Variants in LRMDA observed in about 807,000 individuals in gnomAD.
LRMDA encodes the protein leucine rich melanocyte differentiation associated.
LRMDA carries 18 observed loss-of-function variants against 29.8 expected under a neutral mutation model. The ratio of observed to expected loss-of-function variants is 0.60; its 90% CI spans 0.42 to 0.90. The LOEUF (loss-of-function observed/expected upper bound fraction) is 0.90, where lower values mean the gene tolerates loss of function less well. Ranked by LOEUF, LRMDA falls within the 40% of genes least tolerant of loss-of-function variation. The probability of loss-of-function intolerance (pLI) is 0.00; values close to 1 mark genes in which losing one functional copy is unlikely to be tolerated. For synonymous variants in LRMDA, 125 were observed against 109.4 expected (o/e 1.14, Z -0.89); for missense variants, 273 against 273.9 (o/e 1.00, Z 0.02).
intron 6 of LRMDA, among the ~76,000 whole-genome samples, chr10:76,461,955 G>A (rs572471251): frequency 4.3e-4 from 65 of 151,080 alleles, no homozygotes; most frequent in Admixed American, 1.6e-3. Context: ...TGCACCTGTA[G>A]TCCCAGCTAC....
At chr10:75,783,287 G>A (rs1843416221) in intron 2 of LRMDA, among the ~76,000 whole-genome samples, 1 of 152,062 alleles carries the variant, frequency 6.6e-6, no homozygotes, top group Admixed American at 6.6e-5. Context: ...ATTAAAAGGA[G>A]GCTTTTAGGC....
intron 6 of LRMDA, among the ~76,000 whole-genome samples, chr10:76,443,061 C>T (rs1198067812): frequency 6.6e-6 from 1 of 152,120 alleles, no homozygotes; most frequent in African/African-American, 2.4e-5. Flanking sequence ...GATGAATTAG[C>T]TATGGAGTCA....
intron 2 of LRMDA, among the ~76,000 whole-genome samples, chr10:75,882,138 G>T (rs554414130): frequency 2.0e-5 from 3 of 152,222 alleles, no homozygotes; most frequent in Admixed American, 1.3e-4. Flanking sequence ...AGGAGGAACC[G>T]AAAAGAGGCC....
intron 2 of LRMDA, among the ~76,000 whole-genome samples, chr10:75,509,484 C>A (rs1011689932): frequency 6.6e-6 from 1 of 152,060 alleles, no homozygotes; most frequent in Non-Finnish European, 1.5e-5. Flanking sequence ...AAGACTGTGG[C>A]TCTCTGAGAG....
intron 5 of LRMDA, among the ~76,000 whole-genome samples, chr10:76,128,205 G>A (rs1849920051): frequency 6.6e-6 from 1 of 152,212 alleles, no homozygotes; most frequent in South Asian, 2.1e-4. Context: ...GGAAAAGCGG[G>A]TTCTAGATGG....
chr10:75,851,911 A>C (rs1844738467), intron 2 of LRMDA, among the ~76,000 whole-genome samples: 1 of 152,188 alleles, frequency 6.6e-6, no homozygotes, highest in Non-Finnish European at 1.5e-5. Context: ...CCTTTGTAGC[A>C]TTGCTTCAGG....
At chr10:76,251,226 C>CTTTTTTTTTTTTTTTTTT (rs558637864) in intron 5 of LRMDA, among the ~76,000 whole-genome samples, 1 of 70,264 alleles carries the variant, frequency 1.4e-5, no homozygotes, top group South Asian at 7.4e-4. Flanking sequence ...CCCGTCGCTT[C>CTTTTTTTTTTTTTTTTTT]TTTTTTTTTT....
intron 2 of LRMDA, among the ~76,000 whole-genome samples, chr10:75,439,454 A>G (rs1318343458): frequency 6.6e-6 from 1 of 152,198 alleles, no homozygotes; most frequent in African/African-American, 2.4e-5. Context: ...GAGTCAGGAT[A>G]CTTGGGAATT....
At chr10:75,467,894 G>A (rs1274270387) in intron 2 of LRMDA, among the ~76,000 whole-genome samples, 1 of 151,720 alleles carries the variant, frequency 6.6e-6, no homozygotes, top group Non-Finnish European at 1.5e-5. Context: ...TCGGGAGGTG[G>A]AGGTTGCAGT....
At position 75,980,840 on chromosome 10, in the gene LRMDA, T is replaced by C. The variant is rs370413630; in HGVS notation, c.132-55168T>C. 7.2e-5 allele frequency among the ~76,000 whole-genome samples: 11 copies of C among 152,316 alleles called. No individual in the cohort carries two copies. The South Asian group carries it at 1.2e-3, about 17-fold the overall frequency. On this transcript the variant is annotated intron_variant, in intron 2 of 6. Transcript: ENST00000611255. ...CCTTTTTATCCTCTCTCTCAGACCA[T>C]TGGGGGAAGGAAGAAATGTTGCTTA...
At chr10:76,525,514 G>T (rs1011847392) in intron 6 of LRMDA, among the ~76,000 whole-genome samples, 1 of 152,110 alleles carries the variant, frequency 6.6e-6, no homozygotes, top group Non-Finnish European at 1.5e-5. Flanking sequence ...TCCACAGTAG[G>T]GGGTAGGAGG....
intron 5 of LRMDA, among the ~76,000 whole-genome samples, chr10:76,257,200 G>C (rs1046062781): frequency 6.6e-6 from 1 of 151,710 alleles, no homozygotes; most frequent in Non-Finnish European, 1.5e-5. Context: ...CAAAACAAAA[G>C]CAAATTAAAA....
At chr10:75,612,784 C>T (rs977048999) in intron 2 of LRMDA, among the ~76,000 whole-genome samples, 12 of 144,536 alleles carry the variant, frequency 8.3e-5, no homozygotes, top group African/African-American at 2.8e-4. Context: ...TGATGCAGAA[C>T]AAGGAAAAAA....
At chr10:75,706,297 C>T (rs1404909751) in intron 2 of LRMDA, among the ~76,000 whole-genome samples, 2 of 151,960 alleles carry the variant, frequency 1.3e-5, no homozygotes, top group Middle Eastern at 3.4e-3. Flanking sequence ...ATTGCATATA[C>T]GTTTTCCACA....
chr10:76,196,548 T>C (rs1303319997), intron 5 of LRMDA, among the ~76,000 whole-genome samples: 1 of 152,240 alleles, frequency 6.6e-6, no homozygotes, highest in Non-Finnish European at 1.5e-5. Context: ...TGCTTTGCTC[T>C]GTACCAGCCA....
intron 6 of LRMDA, among the ~76,000 whole-genome samples, chr10:76,504,660 G>A (rs145108270): frequency 2.4e-3 from 364 of 151,924 alleles, no homozygotes; most frequent in African/African-American, 8.4e-3. Flanking sequence ...CTGTTTGCAC[G>A]GTAGATCCTG....
intron 2 of LRMDA, among the ~76,000 whole-genome samples, chr10:75,750,374 C>G (rs1842943999): frequency 6.7e-6 from 1 of 149,528 alleles, no homozygotes; most frequent in Non-Finnish European, 1.5e-5. Context: ...GGCAGCAGGG[C>G]AGAGACGCTC....
chr10:76,106,497 T>C (rs2132108529), intron 5 of LRMDA, among the ~76,000 whole-genome samples: 1 of 152,330 alleles, frequency 6.6e-6, no homozygotes, highest in Non-Finnish European at 1.5e-5. Context: ...TCCCCATTTT[T>C]ATCCTGAGTC....
intron 2 of LRMDA, among the ~76,000 whole-genome samples, chr10:75,729,734 C>A (rs1842672552): frequency 6.6e-6 from 1 of 152,154 alleles, no homozygotes; most frequent in Non-Finnish European, 1.5e-5. Flanking sequence ...TTGACCCACA[C>A]CAAACAGTGA....
Sources: gnomAD v4.1 joint callset for allele counts (sites outside exome capture counted in the v4.1 genomes callset) on GRCh38, gnomAD v4.1.1 for gene constraint, MANE v1.5 for transcripts, NCBI Gene and HGNC (gene_info 2026-07-23, HGNC 2026-07-21) for gene names.